The following SYT1 variants were observed in gnomAD, a reference collection of about 807,000 sequenced individuals.
SYT1 encodes the protein synaptotagmin-1.
In SYT1, 8 loss-of-function variants were observed where a neutral mutation model predicts 44.8. The ratio of observed to expected loss-of-function variants is 0.18; its 90% CI spans 0.10 to 0.32. SYT1 has a LOEUF of 0.32. Among genes scored for constraint, SYT1 ranks in the 10% least tolerant of loss-of-function variants. SYT1 has a pLI of 1.00. For missense variants in SYT1, 286 were observed against 509.3 expected, an observed-to-expected ratio of 0.56 and a Z score of 4.22; for synonymous variants, 154 against 188.8, an observed-to-expected ratio of 0.82 and a Z score of 1.51.
rs141748453 is a variant in SYT1, at chr12:79,359,276, C to T, written c.928+5657C>T. Among the ~76,000 whole-genome samples, 429 of 152,232 alleles carry T rather than the reference C, an allele frequency of 2.8e-3. 1 individual carries two copies. The highest frequency in any genetic ancestry group is 6.8e-3 in the Middle Eastern group (2 of 294). The stretch of plus-strand genomic sequence containing the variant: ...AAATCACATGTAGCTATTCCAGCAG[C>T]CTCCTGAACATCAAGGAGCTAGGGA... On this transcript the variant is annotated intron_variant, in intron 9 of 10. Transcript: ENST00000261205.
intron 3 of SYT1, among the ~76,000 whole-genome samples, chr12:79,081,571 G>T (rs1426590526): frequency 6.6e-6 from 1 of 151,916 alleles, no homozygotes; most frequent in South Asian, 2.1e-4. Context: ...GTGGAGACGG[G>T]TTTCATCATG....
rs576281539 is a variant in SYT1 at position 79,228,087 on chromosome 12, T to G, written c.166+10402T>G. On this transcript the variant is annotated intron_variant, in intron 4 of 10. Coordinates refer to ENST00000261205, the MANE Select transcript of SYT1 (RefSeq NM_005639.3). ...TTACTTTCTCTCTCCTTCATTCCCT[T>G]TAGCCTACACACATGCTCAAGATTC... Among the ~76,000 whole-genome samples, 55 of 151,862 alleles carry G rather than the reference T, an allele frequency of 3.6e-4. 1 individual carries two copies. Among genetic ancestry groups the G allele is most frequent in the Admixed American group, 3.2e-3 (48 of 15,216 alleles).
In SYT1 at chr12:79,292,005, T is replaced by C; in HGVS notation, c.352-3T>C. On this transcript the variant is annotated splice_region_variant and splice_polypyrimidine_tract_variant and intron_variant, in intron 5 of 10. Coordinates refer to ENST00000261205, the MANE Select transcript of SYT1 (RefSeq NM_005639.3). The stretch of plus-strand genomic sequence containing the variant: ...TCACATGTGATCCTTTCTCTATACA[T>C]AGGCCCTCAAGGATGATGATGCTGA... 1 of 1,613,624 alleles carries C rather than the reference T, an allele frequency of 6.2e-7. No homozygotes were observed. Among genetic ancestry groups the C allele is most frequent in the Non-Finnish European group, 8.5e-7 (1 of 1,179,942 alleles).
intron 3 of SYT1, among the ~76,000 whole-genome samples, chr12:79,211,795 A>G (rs1874473822): frequency 1.3e-5 from 2 of 151,946 alleles, no homozygotes; most frequent in African/African-American, 2.4e-5. Flanking sequence ...GCTGCATAGT[A>G]TTCCATGGTG....
At chr12:79,311,117 T>A (rs1880761776) in intron 8 of SYT1, among the ~76,000 whole-genome samples, 1 of 152,192 alleles carries the variant, frequency 6.6e-6, no homozygotes, top group African/African-American at 2.4e-5. Flanking sequence ...ATGCTTCCAG[T>A]TTTTGCCCAT....
intron 3 of SYT1, among the ~76,000 whole-genome samples, chr12:79,066,244 G>T (rs1433984848): frequency 6.6e-6 from 1 of 152,100 alleles, no homozygotes; most frequent in Non-Finnish European, 1.5e-5. Flanking sequence ...ACCAGAAGCA[G>T]GGTAAACACC....
At chr12:78,955,592 A>G (rs970094720) in intron 1 of SYT1, 1 of 152,064 alleles carries the variant, frequency 6.6e-6, no homozygotes, top group African/African-American at 2.4e-5. Flanking sequence ...GGCCTCTTTT[A>G]TAAAGGCACT....
At chr12:78,899,144 A>T (rs183165009) in intron 1 of SYT1, among the ~76,000 whole-genome samples, 2 of 152,144 alleles carry the variant, frequency 1.3e-5, no homozygotes, top group East Asian at 3.9e-4. Flanking sequence ...ACTAACTATA[A>T]CTAGTTTAAA....
chr12:79,382,382 T>C (rs1884258947), intron 9 of SYT1, among the ~76,000 whole-genome samples: 1 of 152,158 alleles, frequency 6.6e-6, no homozygotes, highest in Admixed American at 6.6e-5. Context: ...GTTTAGGAGG[T>C]ATCCTGACTT....
intron 2 of SYT1, among the ~76,000 whole-genome samples, chr12:79,014,486 G>T (rs1167917781): frequency 6.6e-6 from 1 of 152,050 alleles, no homozygotes; most frequent in South Asian, 2.1e-4. Context: ...GGCCATCAGA[G>T]AAATGCAAAT....
intron 3 of SYT1, among the ~76,000 whole-genome samples, chr12:79,171,715 G>T (rs1340859687): frequency 2.0e-5 from 3 of 151,926 alleles, no homozygotes; most frequent in African/African-American, 7.2e-5. Context: ...AAGTTCTGGA[G>T]TTGGACCACA....
intron 1 of SYT1, among the ~76,000 whole-genome samples, chr12:78,930,612 TGAC>T (rs1344511393): frequency 6.6e-6 from 1 of 151,564 alleles, no homozygotes; most frequent in Non-Finnish European, 1.5e-5. Flanking sequence ...AGATTGATAA[TGAC>T]AGGATTAAAA....
At chr12:78,953,501 T>A (rs1270491744) in intron 1 of SYT1, among the ~76,000 whole-genome samples, 1 of 152,076 alleles carries the variant, frequency 6.6e-6, no homozygotes, top group Non-Finnish European at 1.5e-5. Flanking sequence ...AACAGTATCA[T>A]CATCGCCCAA....
chr12:79,384,986 G>GGT (rs1884375661), intron 9 of SYT1, among the ~76,000 whole-genome samples: 1 of 105,094 alleles, frequency 9.5e-6, no homozygotes, highest in Admixed American at 1.2e-4. Flanking sequence ...GGGACCACTG[G>GGT]ATTTTTTTTT....
chr12:79,003,649 C>A (rs911078647), intron 2 of SYT1, among the ~76,000 whole-genome samples: 1 of 152,042 alleles, frequency 6.6e-6, no homozygotes, highest in African/African-American at 2.4e-5. Context: ...TACTTTAATT[C>A]ATATTATACT....
intron 2 of SYT1, among the ~76,000 whole-genome samples, chr12:78,982,800 G>C (rs1036947693): frequency 6.6e-6 from 1 of 152,054 alleles, no homozygotes; most frequent in African/African-American, 2.4e-5. Flanking sequence ...TCCTACAGTT[G>C]AGTTTCCAAT....
In SYT1 at chr12:79,132,173, G is replaced by A. The variant is rs76058092; in HGVS notation, c.-18+84811G>A. 5.3e-3 allele frequency among the ~76,000 whole-genome samples: 802 copies of A among 152,260 alleles called. 10 individuals are homozygous for A. Among genetic ancestry groups the A allele is most frequent in the African/African-American group, 0.017 (726 of 41,550 alleles). ...TTTCTCAAAAGAAGACATACAGGCC[G>A]AGAGTGGTGGCTCACACCTCTAATC... On this transcript the variant is annotated intron_variant, in intron 3 of 10. Coordinates refer to ENST00000261205, the MANE Select transcript of SYT1 (RefSeq NM_005639.3).
At chr12:79,262,925 GA>G (rs776786716) in intron 4 of SYT1, among the ~76,000 whole-genome samples, 1 of 152,178 alleles carries the variant, frequency 6.6e-6, no homozygotes, top group Non-Finnish European at 1.5e-5. Context: ...ACATAGAAAA[GA>G]GAAAACCGAG....
chr12:78,868,388 T>C (rs1456425766), intron 1 of SYT1, among the ~76,000 whole-genome samples: 3 of 151,832 alleles, frequency 2.0e-5, no homozygotes, highest in Non-Finnish European at 4.4e-5. Flanking sequence ...ATATCTGATG[T>C]AGTTGTGATA....
Sources: gnomAD v4.1 joint callset for allele counts (sites outside exome capture counted in the v4.1 genomes callset) on GRCh38, gnomAD v4.1.1 for gene constraint, MANE v1.5 for transcripts, NCBI Gene and HGNC (gene_info 2026-07-23, HGNC 2026-07-21) for gene names.